The following PARP4 variants were observed in gnomAD, a reference collection of about 807,000 sequenced individuals.
PARP4 encodes poly(ADP-ribose) polymerase family member 4.
In PARP4, 120 loss-of-function variants were observed where a neutral mutation model predicts 187.7. That is an observed-to-expected ratio of 0.64 (90% confidence interval 0.55 to 0.74). The LOEUF (loss-of-function observed/expected upper bound fraction) is 0.74, where lower values mean the gene tolerates loss of function less well. Ranked by LOEUF, PARP4 falls within the 30% of genes least tolerant of loss-of-function variation. The pLI, the probability that PARP4 is intolerant of heterozygous loss-of-function variation, is 0.00. For synonymous variants in PARP4, 654 were observed against 740.9 expected, an observed-to-expected ratio of 0.88 and a Z score of 1.90; for missense variants, 1,836 against 2,070.5, an observed-to-expected ratio of 0.89 and a Z score of 2.20.
chr13:24,453,973 G>A (rs574622012), intron 22 of PARP4, among the ~76,000 whole-genome samples: 5 of 152,022 alleles, frequency 3.3e-5, no homozygotes, highest in Non-Finnish European at 5.9e-5. Context: ...AAAATTAGCT[G>A]GGTGTGGTGG....
chr13:24,482,810 G>A (rs1226554929), intron 12 of PARP4, among the ~76,000 whole-genome samples: 3 of 152,068 alleles, frequency 2.0e-5, no homozygotes, highest in Admixed American at 6.6e-5. Flanking sequence ...TATCTCCAAG[G>A]TATGCCTGTA....
intron 30 of PARP4, among the ~76,000 whole-genome samples, chr13:24,440,971 C>A (rs1288305765): frequency 6.6e-6 from 1 of 152,058 alleles, no homozygotes; most frequent in African/African-American, 2.4e-5. Flanking sequence ...TTCCTAGGTG[C>A]AAGCATCCTC....
rs1209906906 is a variant in PARP4, at chr13:24,458,109, A to ATT, written c.2424+933_2424+934dup. Among the ~76,000 whole-genome samples, 270 of 139,320 alleles carry ATT rather than the reference A, an allele frequency of 1.9e-3. 4 individuals carry two copies. Among genetic ancestry groups the ATT allele is most frequent in the East Asian group, 0.019 (91 of 4,858 alleles). 91.4% of individuals were successfully genotyped at this position (139,320 alleles called of 152,430 possible). On this transcript the variant is annotated intron_variant, in intron 20 of 33. Transcript: ENST00000381989. ...AACATGGTGAGACCCTGTCTCTACAATTTTTTTTTTTTTTTTTTGAGATGG... is the reference window on the plus strand; with the variant it reads ...AACATGGTGAGACCCTGTCTCTACAATTTTTTTTTTTTTTTTTTTTGAGATGG...
chr13:24,459,534 C>T (rs897952718), intron 18 of PARP4: 15 of 307,712 alleles, frequency 4.9e-5, no homozygotes, highest in East Asian at 2.2e-4. Context: ...TGTGTGTATA[C>T]ACACACACAC....
intron 24 of PARP4, 62 bp downstream of exon 24, chr13:24,452,344 G>T: frequency 7.3e-7 from 1 of 1,371,674 alleles, no homozygotes; most frequent in South Asian, 1.3e-5. Context: ...AAAGTCCCCT[G>T]CAGGGCAACA....
rs1193364983 is a variant in PARP4 at position 24,475,526 on chromosome 13, C to A, written c.1860G>T (p.Leu620Phe). Residue 620 changes from leucine (L) to phenylalanine (F), a missense_variant, in exon 15 of 34, where the codon TTG becomes TTT. Transcript: ENST00000381989. ...KAGLQDASGN[L>F]VPLEDVHIKG... ...TGATGTGGACATCCTCCAGAGGAACCAAGTTCCCAGAGGCATCCTGGAGGC... is the reference window on the plus strand; with the variant it reads ...TGATGTGGACATCCTCCAGAGGAACAAAGTTCCCAGAGGCATCCTGGAGGC... The A allele has an allele frequency of 3.1e-6, 5 of 1,613,874 alleles. No individual in the cohort carries two copies. The highest frequency in any genetic ancestry group is 4.2e-6 in the Non-Finnish European group (5 of 1,179,858).
intron 20 of PARP4, 107 bp from the exon 21 acceptor site, chr13:24,456,585 T>G: frequency 1.0e-6 from 1 of 982,420 alleles, no homozygotes; most frequent in Non-Finnish European, 1.4e-6. Flanking sequence ...TACATAACTC[T>G]ATTAAGAATC....
chr13:24,457,395 C>A (rs1362131133), intron 20 of PARP4, among the ~76,000 whole-genome samples: 1 of 152,058 alleles, frequency 6.6e-6, no homozygotes, highest in African/African-American at 2.4e-5. Flanking sequence ...CTTGCTGTGG[C>A]CAATGATATG....
At chr13:24,509,946 CA>C (rs1869907082) in intron 1 of PARP4, among the ~76,000 whole-genome samples, 1 of 152,106 alleles carries the variant, frequency 6.6e-6, no homozygotes, top group East Asian at 1.9e-4. Flanking sequence ...GTGATCTGCC[CA>C]CCTCTGCCTC....
At chr13:24,466,495 T>C (rs543383968) in intron 17 of PARP4, among the ~76,000 whole-genome samples, 15 of 152,210 alleles carry the variant, frequency 9.9e-5, no homozygotes, top group Admixed American at 8.5e-4. Context: ...ATCAAAACTT[T>C]TTAAGAGAGA....
At chr13:24,473,387 A>G (rs773426158) in intron 15 of PARP4, among the ~76,000 whole-genome samples, 3 of 152,214 alleles carry the variant, frequency 2.0e-5, no homozygotes, top group Non-Finnish European at 2.9e-5. Flanking sequence ...ATGTTAAATA[A>G]ATAAGGGCAT....
chr13:24,430,260 T>A (rs1444646628), intron 32 of PARP4, among the ~76,000 whole-genome samples: 1 of 152,060 alleles, frequency 6.6e-6, no homozygotes, highest in African/African-American at 2.4e-5. Context: ...ATATGAAAAC[T>A]CTGGCATTTT....
At chr13:24,425,567 G>GTATATCTATATCTATATCTATA (rs573054189) in intron 33 of PARP4, among the ~76,000 whole-genome samples, 34 of 142,380 alleles carry the variant, frequency 2.4e-4, no homozygotes, top group Admixed American at 4.9e-4. Context: ...GTGTGTGTGT[G>GTATATCTATATCTATATCTATA]TGTATATCTA....
Position 24,459,063 on chromosome 13 carries a change from G to GT in PARP4, c.2404dup (p.Thr802AsnfsTer3), listed in dbSNP as rs1566000792. ...ACTAACCTTTTGTTTCAGTTCATGT[G>GT]TATCACTGAAAATGAATTCAATCAC... On this transcript the variant is annotated frameshift_variant, in exon 20 of 34. Transcript: ENST00000381989. LOFTEE classifies it high-confidence loss of function. 1 of 1,605,390 alleles carries GT rather than the reference G, an allele frequency of 6.2e-7. No individual in the cohort carries two copies. The highest frequency in any genetic ancestry group is 8.5e-7 in the Non-Finnish European group (1 of 1,172,898).
intron 15 of PARP4, among the ~76,000 whole-genome samples, chr13:24,472,310 G>A (rs1427822785): frequency 2.0e-5 from 3 of 152,170 alleles, no homozygotes; most frequent in African/African-American, 4.8e-5. Context: ...CATGTCCCAT[G>A]AGCCCACAGC....
At chr13:24,455,504 T>TCAC (rs1452063006) in intron 21 of PARP4, among the ~76,000 whole-genome samples, 5 of 136,498 alleles carry the variant, frequency 3.7e-5, no homozygotes, top group African/African-American at 5.4e-5. Context: ...TATATATATA[T>TCAC]ATCACACTAT....
At chr13:24,510,571 A>AAAAAAT (rs1869961212) in intron 1 of PARP4, among the ~76,000 whole-genome samples, 1 of 150,188 alleles carries the variant, frequency 6.7e-6, no homozygotes, top group African/African-American at 2.4e-5. Context: ...AAAAAAAAAA[A>AAAAAAT]GTGTTCACTA....
intron 12 of PARP4, among the ~76,000 whole-genome samples, chr13:24,481,437 A>C (rs1206359707): frequency 6.6e-6 from 1 of 152,230 alleles, no homozygotes; most frequent in African/African-American, 2.4e-5. Flanking sequence ...TCATGCCTAT[A>C]ATCCCAGCAC....
chr13:24,475,905 C>T (rs1320986559), intron 14 of PARP4, among the ~76,000 whole-genome samples: 1 of 152,058 alleles, frequency 6.6e-6, no homozygotes, highest in Non-Finnish European at 1.5e-5. Flanking sequence ...CTGTCTCAGC[C>T]TCCCGAGTAG....
Sources: allele counts gnomAD v4.1 joint callset (sites outside exome capture counted in the v4.1 genomes callset), GRCh38; gene constraint gnomAD v4.1.1; transcripts MANE v1.5; gene names NCBI Gene and HGNC (gene_info 2026-07-23, HGNC 2026-07-21).